Variants in CCDC146 observed in about 807,000 individuals in gnomAD.
CCDC146 encodes coiled-coil domain containing 146, also known as coiled-coil domain-containing protein 146.
CCDC146 carries 92 observed loss-of-function variants against 119.3 expected under a neutral mutation model. The observed-to-expected ratio is 0.77, with a 90% CI of 0.65 to 0.92. The LOEUF is 0.92. Ranked by LOEUF, CCDC146 falls within the 40% of genes least tolerant of loss-of-function variation. The pLI, the probability that CCDC146 is intolerant of heterozygous loss-of-function variation, is 0.00. For synonymous variants in CCDC146, 372 were observed against 371.8 expected (o/e 1.00, Z -0.01); for missense variants, 1,000 against 1,103.0 (o/e 0.91, Z 1.32).
At chr7:77,231,310 T>A (rs1444883824) in intron 2 of CCDC146, among the ~76,000 whole-genome samples, 1 of 152,230 alleles carries the variant, frequency 6.6e-6, no homozygotes, top group African/African-American at 2.4e-5. Flanking sequence ...AAGTGCTTTC[T>A]TTAAGTGAAA....
intron 1 of CCDC146, among the ~76,000 whole-genome samples, chr7:77,133,654 T>C (rs1229620783): frequency 2.1e-5 from 2 of 94,896 alleles, no homozygotes; most frequent in Non-Finnish European, 2.2e-5. Flanking sequence ...TGGAACACCT[T>C]TTTTTTTTTT....
At chr7:77,123,055 G>C (rs1474667340) in intron 1 of CCDC146, among the ~76,000 whole-genome samples, 2 of 144,152 alleles carry the variant, frequency 1.4e-5, no homozygotes, top group Non-Finnish European at 3.1e-5. Flanking sequence ...TTTTTGTGAG[G>C]ATCAAGTAAG....
intron 18 of CCDC146, among the ~76,000 whole-genome samples, chr7:77,294,159 C>G (rs73703317): frequency 0.014 from 2,074 of 152,316 alleles, 51 homozygotes; most frequent in African/African-American, 0.047. Context: ...CTTTACTCCT[C>G]TACCTCTTCC....
chr7:77,252,010 G>A (rs1233459047), intron 4 of CCDC146, among the ~76,000 whole-genome samples: 3 of 152,074 alleles, frequency 2.0e-5, no homozygotes, highest in Non-Finnish European at 2.9e-5. Flanking sequence ...TTAGCTGGAC[G>A]TGGTGGCACG....
chr7:77,262,965 T>C (rs866354553), intron 9 of CCDC146, among the ~76,000 whole-genome samples: 1 of 152,214 alleles, frequency 6.6e-6, no homozygotes, highest in Non-Finnish European at 1.5e-5. Flanking sequence ...GCTTCAGCCT[T>C]GTGCTAGAGC....
chr7:77,223,605 A>G (rs996393817), intron 2 of CCDC146, among the ~76,000 whole-genome samples: 10 of 152,268 alleles, frequency 6.6e-5, no homozygotes, highest in African/African-American at 2.4e-4. Context: ...GGACAGGCCA[A>G]ATTACCTTGC....
At chr7:77,254,642 C>T in intron 5 of CCDC146, 79 bp downstream of exon 5, 1 of 779,656 alleles carries the variant, frequency 1.3e-6, no homozygotes, top group Non-Finnish European at 2.1e-6. Flanking sequence ...ATGTTTATCA[C>T]AACCACCATA....
At chr7:77,210,960 C>A (rs1282811309) in intron 2 of CCDC146, among the ~76,000 whole-genome samples, 2 of 152,168 alleles carry the variant, frequency 1.3e-5, no homozygotes, top group Non-Finnish European at 2.9e-5. Flanking sequence ...AGGTCCCTCT[C>A]CCAACAGTGG....
chr7:77,242,213 CT>C (rs1303405503), intron 4 of CCDC146: 2 of 347,762 alleles, frequency 5.8e-6, no homozygotes, highest in Non-Finnish European at 1.0e-5. Flanking sequence ...TTCCCCTGCC[CT>C]GGCAGTGGCC....
intron 1 of CCDC146, among the ~76,000 whole-genome samples, chr7:77,159,627 T>G (rs940410543): frequency 1.3e-5 from 2 of 152,222 alleles, no homozygotes; most frequent in African/African-American, 4.8e-5. Flanking sequence ...GATCCTGATT[T>G]CGATTCATTT....
intron 2 of CCDC146, among the ~76,000 whole-genome samples, chr7:77,219,279 C>T (rs10240578): frequency 0.028 from 4,264 of 152,094 alleles, 194 homozygotes; most frequent in African/African-American, 0.097. Context: ...AAAAGTTTTC[C>T]TTCTACTTTG....
intron 5 of CCDC146, 92 bp from the exon 6 acceptor site, chr7:77,256,241 A>C (rs891474745): frequency 1.8e-5 from 16 of 866,808 alleles, no homozygotes; most frequent in Non-Finnish European, 2.4e-5. Context: ...AATATAATCA[A>C]AATGGTGGGT....
At chr7:77,249,436 C>T (rs1243308286) in intron 4 of CCDC146, among the ~76,000 whole-genome samples, 3 of 147,530 alleles carry the variant, frequency 2.0e-5, no homozygotes, top group Admixed American at 6.9e-5. Context: ...TGCAGTGAGC[C>T]GAGATCGCAC....
At chr7:77,158,577 T>A (rs1027560103) in intron 1 of CCDC146, among the ~76,000 whole-genome samples, 1 of 152,138 alleles carries the variant, frequency 6.6e-6, no homozygotes, top group Non-Finnish European at 1.5e-5. Context: ...TGGAGTGCAG[T>A]GGCGCTATCT....
intron 4 of CCDC146, among the ~76,000 whole-genome samples, chr7:77,248,830 TAAAATA>T (rs1793003804): frequency 6.6e-6 from 1 of 152,340 alleles, no homozygotes; most frequent in African/African-American, 2.4e-5. Context: ...TCTTATTAGT[TAAAATA>T]AAAATATAAA....
intron 9 of CCDC146, among the ~76,000 whole-genome samples, chr7:77,272,946 C>A (rs1056172010): frequency 1.3e-5 from 2 of 152,156 alleles, no homozygotes; most frequent in Non-Finnish European, 1.5e-5. Context: ...ATATAAGTAG[C>A]AAACTATCCC....
At chr7:77,199,600 G>A (rs1791945652) in intron 2 of CCDC146, 1 of 1,614,046 alleles carries the variant, frequency 6.2e-7, no homozygotes, top group African/African-American at 1.3e-5. Context: ...GAGCTGAATA[G>A]TCAAGGGGGG....
chr7:77,144,451 A>G (rs371835235), intron 1 of CCDC146, among the ~76,000 whole-genome samples: 3 of 151,830 alleles, frequency 2.0e-5, no homozygotes, highest in Admixed American at 6.5e-5. Flanking sequence ...TTCCAATACT[A>G]TGTTGAAGAG....
At chr7:77,125,924 T>G (rs1283631771) in intron 1 of CCDC146, among the ~76,000 whole-genome samples, 1 of 152,130 alleles carries the variant, frequency 6.6e-6, no homozygotes, top group Non-Finnish European at 1.5e-5. Context: ...AAACTGCAAA[T>G]AGACAGTTTT....
Sources: gnomAD v4.1 joint callset for allele counts (sites outside exome capture counted in the v4.1 genomes callset) on GRCh38, gnomAD v4.1.1 for gene constraint, MANE v1.5 for transcripts, NCBI Gene and HGNC (gene_info 2026-07-23, HGNC 2026-07-21) for gene names.